Variants in PDE4B observed in about 807,000 individuals in gnomAD.
PDE4B encodes the protein phosphodiesterase 4B.
In PDE4B, 20 loss-of-function variants were observed where a neutral mutation model predicts 82.2. That is an observed-to-expected ratio of 0.24 (90% CI 0.17 to 0.35). The LOEUF (loss-of-function observed/expected upper bound fraction) is 0.35, where lower values mean the gene tolerates loss of function less well. PDE4B is among the 10% of genes least tolerant of loss of function. PDE4B has a pLI of 1.00. For synonymous variants in PDE4B, 320 were observed against 318.9 expected (o/e 1.00, Z -0.04); for missense variants, 655 against 907.2 (o/e 0.72, Z 3.57).
intron 8 of PDE4B, among the ~76,000 whole-genome samples, chr1:66,346,112 A>G (rs1377359942): frequency 2.0e-5 from 3 of 152,214 alleles, no homozygotes; most frequent in Admixed American, 2.0e-4. Flanking sequence ...TGTGTTTGTA[A>G]TTCAGCCACT....
intron 7 of PDE4B, among the ~76,000 whole-genome samples, chr1:66,285,402 T>C (rs1209262522): frequency 6.6e-6 from 1 of 152,124 alleles, no homozygotes; most frequent in Non-Finnish European, 1.5e-5. Flanking sequence ...CATGAATATA[T>C]TGCATAGTGA....
At chr1:65,881,291 C>A (rs547249908) in intron 1 of PDE4B, among the ~76,000 whole-genome samples, 4 of 152,314 alleles carry the variant, frequency 2.6e-5, no homozygotes, top group Admixed American at 1.3e-4. Flanking sequence ...GTCCTGTTCA[C>A]TTTCTGGGCA....
chr1:65,873,391 G>C (rs184946329), intron 1 of PDE4B, among the ~76,000 whole-genome samples: 1 of 152,196 alleles, frequency 6.6e-6, no homozygotes, highest in African/African-American at 2.4e-5. Flanking sequence ...AACTTTCTGT[G>C]GTAGGGATCA....
chr1:66,310,579 A>T (rs980631938), intron 7 of PDE4B, among the ~76,000 whole-genome samples: 6 of 152,132 alleles, frequency 3.9e-5, no homozygotes, highest in African/African-American at 1.4e-4. Context: ...ACCAACCTTA[A>T]ATATCATCTT....
At chr1:66,288,939 G>A (rs375032788) in intron 7 of PDE4B, among the ~76,000 whole-genome samples, 3 of 152,254 alleles carry the variant, frequency 2.0e-5, no homozygotes, top group African/African-American at 7.2e-5. Context: ...TAGTTCTGTG[G>A]TTTCAACTGC....
intron 4 of PDE4B, chr1:66,257,357 C>T: frequency 1.9e-6 from 1 of 527,348 alleles, no homozygotes. Flanking sequence ...TTACAGTACT[C>T]TGGATCTGTT....
intron 3 of PDE4B, chr1:66,152,449 C>A: frequency 3.9e-6 from 1 of 254,996 alleles, no homozygotes; most frequent in South Asian, 4.2e-5. Flanking sequence ...CAGCACACCA[C>A]CACCTATGCA....
chr1:66,265,712 A>G (rs1039552336), intron 6 of PDE4B, among the ~76,000 whole-genome samples: 1 of 146,874 alleles, frequency 6.8e-6, no homozygotes, highest in Non-Finnish European at 1.5e-5. Context: ...GTGATGCCTG[A>G]GCAAGTGACT....
chr1:66,341,830 C>T (rs919912793), intron 8 of PDE4B, among the ~76,000 whole-genome samples: 1 of 152,186 alleles, frequency 6.6e-6, no homozygotes, highest in African/African-American at 2.4e-5. Context: ...TTGACCCTCT[C>T]CCTACACCCT....
chr1:65,849,587 T>C lies in PDE4B; in HGVS notation c.-71+56339T>C, dbSNP rs192684484. On this transcript the variant is annotated intron_variant, in intron 1 of 16. Coordinates refer to ENST00000341517, the MANE Select transcript of PDE4B (RefSeq NM_002600.4). The stretch of plus-strand genomic sequence containing the variant: ...TGGCACTGGTGGGGATCCCACTCTA[T>C]GGGCCCGGGAGGAAGCTTCCCTGCC... Among the ~76,000 whole-genome samples, 250 of 152,138 alleles carry C rather than the reference T, an allele frequency of 1.6e-3. 1 individual carries two copies. Among genetic ancestry groups the C allele is most frequent in the African/African-American group, 5.8e-3 (240 of 41,506 alleles).
chr1:66,269,230 G>C (rs542160078), intron 7 of PDE4B, among the ~76,000 whole-genome samples: 2 of 152,122 alleles, frequency 1.3e-5, no homozygotes, highest in South Asian at 2.1e-4. Context: ...TAGTGTGTTC[G>C]TATAGGTTTT....
intron 1 of PDE4B, among the ~76,000 whole-genome samples, chr1:65,890,736 C>T (rs957505554): frequency 5.3e-5 from 8 of 151,864 alleles, no homozygotes; most frequent in African/African-American, 1.9e-4. Context: ...AGTATGCAGG[C>T]GTCTAGAGGA....
chr1:66,005,705 A>G (rs998693606), intron 3 of PDE4B, among the ~76,000 whole-genome samples: 5 of 152,232 alleles, frequency 3.3e-5, no homozygotes, highest in African/African-American at 1.2e-4. Context: ...TAATAAAAAT[A>G]AGACTTAGGA....
intron 4 of PDE4B, among the ~76,000 whole-genome samples, chr1:66,254,715 T>C (rs1015861591): frequency 2.6e-5 from 4 of 152,206 alleles, no homozygotes; most frequent in Non-Finnish European, 4.4e-5. Flanking sequence ...TTCTCAGATA[T>C]CCATTTTTTA....
At position 66,135,352 on chromosome 1, in the gene PDE4B, C is replaced by T. The variant is rs537246140; in HGVS notation, c.282-112108C>T. On this transcript the variant is annotated intron_variant, in intron 3 of 16. Coordinates refer to ENST00000341517, the MANE Select transcript of PDE4B (RefSeq NM_002600.4). ...TATAGATAACCCTAATGAAGGGATT[C>T]GCAGTGTCAGCAGTTAATTTGAGTT... Among the ~76,000 whole-genome samples, 18 of 152,234 alleles carry T rather than the reference C, an allele frequency of 1.2e-4. No individual in the cohort carries two copies. The South Asian group carries it at 1.9e-3, about 16-fold the overall frequency.
At chr1:65,874,148 GATTCCTAGGTATTTT>G (rs1176174658) in intron 1 of PDE4B, among the ~76,000 whole-genome samples, 8 of 151,868 alleles carry the variant, frequency 5.3e-5, no homozygotes, top group African/African-American at 1.9e-4. Context: ...TTGTAAGTTA[GATTCCTAGGTATTTT>G]ATTCTCTTTG....
At chr1:65,907,957 G>A (rs1235556632) in intron 1 of PDE4B, among the ~76,000 whole-genome samples, 1 of 152,082 alleles carries the variant, frequency 6.6e-6, no homozygotes, top group African/African-American at 2.4e-5. Flanking sequence ...CTCGTACCTC[G>A]CTCTGAGGCA....
intron 3 of PDE4B, among the ~76,000 whole-genome samples, chr1:66,162,781 G>C (rs1646643615): frequency 6.6e-6 from 1 of 152,142 alleles, no homozygotes; most frequent in Non-Finnish European, 1.5e-5. Context: ...TGCTTCATCT[G>C]TACTTGCTTC....
chr1:66,124,711 A>C (rs901407843), intron 3 of PDE4B, among the ~76,000 whole-genome samples: 10 of 152,054 alleles, frequency 6.6e-5, no homozygotes, highest in Admixed American at 2.0e-4. Context: ...AGTTTTGTTC[A>C]ATGTTGTTTC....
Sources: allele counts gnomAD v4.1 joint callset (sites outside exome capture counted in the v4.1 genomes callset), GRCh38; gene constraint gnomAD v4.1.1; transcripts MANE v1.5; gene names NCBI Gene and HGNC (gene_info 2026-07-23, HGNC 2026-07-21).